Variants in MTUS2 observed in about 807,000 individuals in gnomAD.
The protein encoded by MTUS2 is microtubule associated scaffold protein 2, also known as microtubule-associated tumor suppressor candidate 2.
Under a neutral mutation model 114.1 loss-of-function variants are expected in MTUS2, and 40 were observed. That is an observed-to-expected ratio of 0.35 (90% confidence interval 0.27 to 0.46). The LOEUF is 0.46. Ranked by LOEUF, MTUS2 falls within the 20% of genes least tolerant of loss-of-function variation. The pLI is 1.00. For synonymous variants in MTUS2, 688 were observed against 672.0 expected (o/e 1.02, Z -0.37); for missense variants, 1,679 against 1,705.4 (o/e 0.98, Z 0.27).
At chr13:28,880,059 G>T (rs534826277) in intron 2 of MTUS2, among the ~76,000 whole-genome samples, 3 of 152,152 alleles carry the variant, frequency 2.0e-5, no homozygotes, top group Non-Finnish European at 4.4e-5. Context: ...ATTTCATTAC[G>T]TATCTTGTCA....
intron 5 of MTUS2, among the ~76,000 whole-genome samples, chr13:29,139,967 G>A (rs1234124871): frequency 4.6e-5 from 7 of 152,152 alleles, no homozygotes; most frequent in East Asian, 3.9e-4. Context: ...AGTCAGCAAC[G>A]TTTTTGCAAA....
intron 2 of MTUS2, among the ~76,000 whole-genome samples, chr13:28,893,426 C>T (rs1309305177): frequency 1.3e-5 from 2 of 152,072 alleles, no homozygotes; most frequent in Non-Finnish European, 2.9e-5. Context: ...GCCAAGGAAA[C>T]AATAAGAATG....
intron 2 of MTUS2, among the ~76,000 whole-genome samples, chr13:28,924,086 G>C (rs970048743): frequency 6.6e-6 from 1 of 152,078 alleles, no homozygotes; most frequent in Non-Finnish European, 1.5e-5. Context: ...TGATTCAGGG[G>C]AGGAATGAGT....
At chr13:29,364,237 T>A (rs559120450) in intron 8 of MTUS2, among the ~76,000 whole-genome samples, 23 of 152,264 alleles carry the variant, frequency 1.5e-4, no homozygotes, top group Middle Eastern at 6.8e-3. Context: ...GGAAGCCTCA[T>A]CCTTGATAAT....
intron 5 of MTUS2, among the ~76,000 whole-genome samples, chr13:29,267,846 C>T (rs1327977313): frequency 6.6e-6 from 1 of 152,086 alleles, no homozygotes; most frequent in East Asian, 1.9e-4. Context: ...TGGTGGGAGA[C>T]AGGAAGGGGC....
chr13:29,230,443 A>G (rs752845643), intron 5 of MTUS2, among the ~76,000 whole-genome samples: 1 of 152,204 alleles, frequency 6.6e-6, no homozygotes, highest in African/African-American at 2.4e-5. Context: ...CCAAGGAGAA[A>G]AATCAGCAGC....
chr13:28,992,289 G>C (rs1884896569), intron 2 of MTUS2, among the ~76,000 whole-genome samples: 1 of 152,212 alleles, frequency 6.6e-6, no homozygotes, highest in South Asian at 2.1e-4. Context: ...AGGGAAAACA[G>C]AAGAAAGACA....
At chr13:29,105,341 G>C (rs1243278662) in intron 5 of MTUS2, among the ~76,000 whole-genome samples, 1 of 152,060 alleles carries the variant, frequency 6.6e-6, no homozygotes, top group African/African-American at 2.4e-5. Flanking sequence ...GGATGACTTA[G>C]GTTTCATAAA....
intron 5 of MTUS2, among the ~76,000 whole-genome samples, chr13:29,136,715 C>T (rs1032438219): frequency 1.1e-4 from 17 of 152,232 alleles, no homozygotes; most frequent in Admixed American, 2.6e-4. Context: ...TCACCCTATA[C>T]ATCTCTTCCA....
intron 5 of MTUS2, among the ~76,000 whole-genome samples, chr13:29,217,299 T>C (rs1209548076): frequency 6.6e-6 from 1 of 152,204 alleles, no homozygotes; most frequent in African/African-American, 2.4e-5. Context: ...ATATTCATAT[T>C]GATACATCAT....
At chr13:29,423,928 G>T (rs191170872) in intron 8 of MTUS2, among the ~76,000 whole-genome samples, 2 of 150,898 alleles carry the variant, frequency 1.3e-5, no homozygotes, top group East Asian at 3.9e-4. Context: ...GCAGTGACAC[G>T]ATCTCGGCTC....
chr13:29,339,383 A>C (rs9508375), intron 7 of MTUS2, among the ~76,000 whole-genome samples: 40,258 of 151,950 alleles, frequency 0.26, 5,868 homozygotes, highest in African/African-American at 0.39. Flanking sequence ...GGGTGATGGG[A>C]TCTGCTTGCT....
chr13:28,998,037 C>G (rs1269846482), intron 2 of MTUS2, among the ~76,000 whole-genome samples: 4 of 152,084 alleles, frequency 2.6e-5, no homozygotes, highest in African/African-American at 9.7e-5. Context: ...ACCAGTTGTT[C>G]CTTTCCATGT....
intron 4 of MTUS2, among the ~76,000 whole-genome samples, chr13:29,073,350 A>G (rs2475515): frequency 0.58 from 87,462 of 152,062 alleles, 25,451 homozygotes; most frequent in Non-Finnish European, 0.61. Context: ...ACCTTCAACC[A>G]ATCTCTTCAC....
chr13:28,825,294 G>A (rs1282043327), intron 1 of MTUS2, among the ~76,000 whole-genome samples: 1 of 152,164 alleles, frequency 6.6e-6, no homozygotes, highest in East Asian at 1.9e-4. Flanking sequence ...AAGAGGCTGG[G>A]GGCAAGCTCA....
chr13:28,847,174 G>T (rs566358191), intron 2 of MTUS2, among the ~76,000 whole-genome samples: 2 of 152,160 alleles, frequency 1.3e-5, no homozygotes, highest in Admixed American at 1.3e-4. Flanking sequence ...ATCACCTAAG[G>T]TAATTATTTT....
At chr13:29,326,298 T>A (rs1001972633) in intron 7 of MTUS2, among the ~76,000 whole-genome samples, 5 of 152,150 alleles carry the variant, frequency 3.3e-5, no homozygotes, top group Non-Finnish European at 5.9e-5. Context: ...AAATCCAATT[T>A]AAAATGCTGC....
chr13:29,246,994 A>G (rs1451544273), intron 5 of MTUS2, among the ~76,000 whole-genome samples: 1 of 152,212 alleles, frequency 6.6e-6, no homozygotes, highest in Non-Finnish European at 1.5e-5. Flanking sequence ...TGGAGGCATC[A>G]CAGTACCTGA....
chr13:29,115,657 G>A (rs1050633528), intron 5 of MTUS2, among the ~76,000 whole-genome samples: 4 of 152,134 alleles, frequency 2.6e-5, no homozygotes, highest in Admixed American at 6.5e-5. Flanking sequence ...AATTACATAC[G>A]AAAATGTAAT....
Sources: allele counts gnomAD v4.1 joint callset (sites outside exome capture counted in the v4.1 genomes callset), GRCh38; gene constraint gnomAD v4.1.1; transcripts MANE v1.5; gene names NCBI Gene and HGNC (gene_info 2026-07-23, HGNC 2026-07-21).